Variants in MLIP observed in about 807,000 individuals in gnomAD.
MLIP encodes the protein muscular LMNA interacting protein.
MLIP carries 79 observed loss-of-function variants against 84.8 expected under a neutral mutation model. The observed-to-expected ratio is 0.93, with a 90% confidence interval of 0.78 to 1.12. MLIP has a LOEUF of 1.12. Among genes scored for constraint, MLIP ranks in the 50% most tolerant of loss-of-function variants. MLIP has a pLI of 0.00. For missense variants in MLIP, 1,257 were observed against 1,160.6 expected (o/e 1.08, Z -1.21); for synonymous variants, 504 against 463.0 (o/e 1.09, Z -1.14).
rs539976567 is a variant in MLIP, at chr6:54,207,237, T to C, written c.2718+5004T>C. Among the ~76,000 whole-genome samples the C allele has an allele frequency of 2.0e-5, 3 of 152,240 alleles. No homozygotes were observed. In the South Asian group the frequency reaches 6.2e-4, roughly 32 times the overall value. On this transcript the variant is annotated intron_variant, in intron 11 of 13. Transcript: ENST00000502396. ...GAAAGATGTAATAGACAATTTAGCATAAACAGGTTATGTTCTATACATAAT... is the reference window on the plus strand; with the variant it reads ...GAAAGATGTAATAGACAATTTAGCACAAACAGGTTATGTTCTATACATAAT...
chr6:54,037,100 G>C (rs1047647942), intron 1 of MLIP, among the ~76,000 whole-genome samples: 1 of 152,000 alleles, frequency 6.6e-6, no homozygotes, highest in African/African-American at 2.4e-5. Flanking sequence ...AGTTTGGGCA[G>C]TCAGAAGGGG....
At chr6:54,092,708 A>T (rs1767944316) in intron 1 of MLIP, among the ~76,000 whole-genome samples, 1 of 152,064 alleles carries the variant, frequency 6.6e-6, no homozygotes, top group South Asian at 2.1e-4. Context: ...TTTAATATTA[A>T]AATGGTTTAT....
chr6:54,164,471 T>C (rs1296936726), intron 8 of MLIP, among the ~76,000 whole-genome samples: 1 of 151,976 alleles, frequency 6.6e-6, no homozygotes, highest in Non-Finnish European at 1.5e-5. Context: ...ATCAGATTTA[T>C]TGAGGTAATA....
At chr6:54,138,817 T>G in intron 4 of MLIP, among the ~76,000 whole-genome samples, 1 of 152,222 alleles carries the variant, frequency 6.6e-6, no homozygotes, top group Non-Finnish European at 1.5e-5. Flanking sequence ...GCTTCCCAAC[T>G]ATTCTCAAGT....
chr6:54,195,230 A>C (rs1435786881), intron 10 of MLIP, among the ~76,000 whole-genome samples: 1 of 152,032 alleles, frequency 6.6e-6, no homozygotes, highest in Non-Finnish European at 1.5e-5. Flanking sequence ...TTCCAGCCAG[A>C]CTCACAGAAT....
intron 12 of MLIP, among the ~76,000 whole-genome samples, chr6:54,239,822 A>T (rs1413552694): frequency 2.0e-5 from 3 of 151,926 alleles, no homozygotes; most frequent in Admixed American, 2.0e-4. Context: ...AAATAAAATA[A>T]AGTGTTTTGA....
chr6:54,117,688 T>C (rs962546012), intron 1 of MLIP, among the ~76,000 whole-genome samples: 1 of 151,574 alleles, frequency 6.6e-6, no homozygotes, highest in African/African-American at 2.4e-5. Context: ...GGCTAACACC[T>C]GTAATCCCAG....
intron 1 of MLIP, among the ~76,000 whole-genome samples, chr6:54,091,302 A>G (rs1467828217): frequency 6.6e-6 from 1 of 152,194 alleles, no homozygotes; most frequent in Non-Finnish European, 1.5e-5. Flanking sequence ...TCCATTCATA[A>G]AATTACAAAA....
At chr6:54,234,097 G>A (rs1325056270) in intron 12 of MLIP, among the ~76,000 whole-genome samples, 1 of 151,792 alleles carries the variant, frequency 6.6e-6, no homozygotes, top group African/African-American at 2.4e-5. Context: ...CTGGATATTA[G>A]CCCTTTGACA....
At chr6:54,265,832 T>C in intron 13 of MLIP, 118 bp from the exon 14 acceptor site, 2 of 861,774 alleles carry the variant, frequency 2.3e-6, no homozygotes, top group Non-Finnish European at 3.7e-6. Context: ...TTTCCTATTG[T>C]AGTATAAACC....
chr6:54,066,386 A>T (rs1207524668), intron 1 of MLIP, among the ~76,000 whole-genome samples: 5 of 100,830 alleles, frequency 5.0e-5, no homozygotes, highest in African/African-American at 1.3e-4. Context: ...AGGCTTTAGG[A>T]AACAAAAAAT....
chr6:54,137,295 C>G lies in MLIP; in HGVS notation c.1226C>G (p.Pro409Arg). ...CTTTCAAAGTCAGGGGTAAAATCCC[C>G]GGTGCCTTCCCGGCTTGCCCTTCTC... is the stretch of plus-strand genomic sequence containing the variant. ...GNLSKSGVKS[P>R]VPSRLALLTA... The change falls in exon 4 of 14, where the codon CCG becomes CGG. Residue 409 changes from proline to arginine, a missense_variant. Transcript: ENST00000502396. The G allele has an allele frequency of 1.3e-6, 2 of 1,536,034 alleles. No homozygotes were observed. The highest frequency in any genetic ancestry group is 8.7e-7 in the Non-Finnish European group (1 of 1,146,882).
chr6:54,027,534 T>C (rs1763890910), intron 1 of MLIP, among the ~76,000 whole-genome samples: 1 of 152,178 alleles, frequency 6.6e-6, no homozygotes, highest in South Asian at 2.1e-4. Context: ...GATATCTTAG[T>C]TCCTTTGCAA....
At chr6:54,133,467 A>T (rs571304700) in intron 3 of MLIP, among the ~76,000 whole-genome samples, 1 of 152,206 alleles carries the variant, frequency 6.6e-6, no homozygotes, top group African/African-American at 2.4e-5. Flanking sequence ...GTAGCTGTAC[A>T]GATTCAGGAG....
chr6:54,050,738 G>T (rs1765327954), intron 1 of MLIP, among the ~76,000 whole-genome samples: 1 of 151,982 alleles, frequency 6.6e-6, no homozygotes, highest in South Asian at 2.1e-4. Context: ...AATGAGTGCA[G>T]TTTTTGTATT....
intron 1 of MLIP, among the ~76,000 whole-genome samples, chr6:54,020,002 C>G (rs1388865706): frequency 6.6e-6 from 1 of 152,198 alleles, no homozygotes; most frequent in Non-Finnish European, 1.5e-5. Context: ...ATCAGGTCAT[C>G]ATTTTCAGTA....
intron 9 of MLIP, among the ~76,000 whole-genome samples, chr6:54,188,764 A>T (rs1012203979): frequency 6.6e-6 from 1 of 152,196 alleles, no homozygotes; most frequent in Admixed American, 6.5e-5. Flanking sequence ...CATACTCAGA[A>T]TAAAAGAACA....
rs905777162 is a variant in MLIP at position 54,191,771 on chromosome 6, C to A, written c.2589+1857C>A. Reference sequence around the variant, plus strand: ...TCCCACTTTAGATATGGAAATATTACTACAATTATTTTAGTATTTAAAATG... The same window carrying A: ...TCCCACTTTAGATATGGAAATATTAATACAATTATTTTAGTATTTAAAATG... On this transcript the variant is annotated intron_variant, in intron 10 of 13. Transcript: ENST00000502396. 6.6e-5 allele frequency among the ~76,000 whole-genome samples: 10 copies of A among 152,094 alleles called. No individual in the cohort carries two copies. The East Asian group carries it at 1.9e-3, about 29-fold the overall frequency.
intron 11 of MLIP, among the ~76,000 whole-genome samples, chr6:54,224,385 A>G (rs988141322): frequency 6.6e-6 from 1 of 151,954 alleles, no homozygotes; most frequent in African/African-American, 2.4e-5. Context: ...AAATATAAAA[A>G]TAAAACTCCA....
Sources: allele counts gnomAD v4.1 joint callset (sites outside exome capture counted in the v4.1 genomes callset), GRCh38; gene constraint gnomAD v4.1.1; transcripts MANE v1.5; gene names NCBI Gene and HGNC (gene_info 2026-07-23, HGNC 2026-07-21).